Variants in GNG7 observed in about 807,000 individuals in gnomAD.
GNG7 encodes the protein G protein subunit gamma 7.
GNG7 carries 1 observed loss-of-function variant against 4.0 expected under a neutral mutation model. The ratio of observed to expected loss-of-function variants is 0.25; its 90% confidence interval spans 0.09 to 1.18. The LOEUF (loss-of-function observed/expected upper bound fraction) is 1.18. GNG7 is among the 50% of genes most tolerant of loss of function. The pLI is 0.50. For missense variants in GNG7, 86 were observed against 91.9 expected, an observed-to-expected ratio of 0.94 and a Z score of 0.26; for synonymous variants, 34 against 36.9, an observed-to-expected ratio of 0.92 and a Z score of 0.29.
chr19:2,689,622 C>CAAAAA (rs58020172), intron 1 of GNG7, among the ~76,000 whole-genome samples: 2 of 37,952 alleles, frequency 5.3e-5, no homozygotes, highest in African/African-American at 1.0e-4. Flanking sequence ...GACTCCAACT[C>CAAAAA]AAAAAAAAAA....
At chr19:2,661,298 GAAAGAGAAAGAAAGAA>G (rs1371808417) in intron 1 of GNG7, among the ~76,000 whole-genome samples, 206 of 35,940 alleles carry the variant, frequency 5.7e-3, no homozygotes, top group Admixed American at 0.016. Context: ...AAGAAAGAAA[GAAAGAGAAAGAAAGAA>G]AGAAAGAAAG....
chr19:2,515,970 G>A (rs1195804984), intron 4 of GNG7, among the ~76,000 whole-genome samples: 1 of 151,814 alleles, frequency 6.6e-6, no homozygotes, highest in African/African-American at 2.4e-5. Flanking sequence ...ATCCCAACAT[G>A]TTGGGAGGCG....
intron 1 of GNG7, among the ~76,000 whole-genome samples, chr19:2,665,640 C>T (rs1009910838): frequency 1.3e-5 from 2 of 152,170 alleles, no homozygotes; most frequent in Non-Finnish European, 2.9e-5. Context: ...CTTCACGACT[C>T]GCTGTCTGGC....
At chr19:2,698,614 A>C (rs1327168544) in intron 1 of GNG7, among the ~76,000 whole-genome samples, 1 of 152,144 alleles carries the variant, frequency 6.6e-6, no homozygotes, top group Non-Finnish European at 1.5e-5. Context: ...ACCAGCTCCC[A>C]AGCCTATAGA....
intron 1 of GNG7, among the ~76,000 whole-genome samples, chr19:2,678,045 C>A (rs1983638168): frequency 6.6e-6 from 1 of 152,220 alleles, no homozygotes; most frequent in Non-Finnish European, 1.5e-5. Context: ...TCTAACCCTG[C>A]CACCTGTGCT....
chr19:2,572,856 C>A (rs1004765562), intron 2 of GNG7, among the ~76,000 whole-genome samples: 1 of 151,730 alleles, frequency 6.6e-6, no homozygotes, highest in African/African-American at 2.4e-5. Flanking sequence ...CTCGGACTCC[C>A]AGGTTGCTGA....
chr19:2,699,180 A>T (rs1035140985), intron 1 of GNG7, among the ~76,000 whole-genome samples: 2 of 132,746 alleles, frequency 1.5e-5, no homozygotes, highest in African/African-American at 5.8e-5. Flanking sequence ...ACAGAGTCTC[A>T]CTCTGTGGCC....
At chr19:2,669,698 T>C (rs1983401587) in intron 1 of GNG7, among the ~76,000 whole-genome samples, 1 of 152,038 alleles carries the variant, frequency 6.6e-6, no homozygotes, top group African/African-American at 2.4e-5. Flanking sequence ...ATATTTACTC[T>C]CTGGCTCTTT....
intron 3 of GNG7, among the ~76,000 whole-genome samples, chr19:2,526,351 C>T (rs1389438844): frequency 7.3e-5 from 11 of 149,872 alleles, no homozygotes; most frequent in South Asian, 4.3e-4. Flanking sequence ...GTGATCCACC[C>T]GCCTCGACCT....
chr19:2,673,022 C>T (rs7255655), intron 1 of GNG7, among the ~76,000 whole-genome samples: 12,008 of 151,700 alleles, frequency 0.079, 891 homozygotes, highest in African/African-American at 0.2. Context: ...TTTGGGAGGC[C>T]GAGGCGGGCA....
At chr19:2,580,683 C>T (rs755021392) in intron 2 of GNG7, among the ~76,000 whole-genome samples, 11 of 152,074 alleles carry the variant, frequency 7.2e-5, no homozygotes, top group Non-Finnish European at 1.3e-4. Flanking sequence ...TCACTGCAGC[C>T]TCAAACTCTT....
chr19:2,589,637 G>A (rs989528948), intron 2 of GNG7, among the ~76,000 whole-genome samples: 2 of 152,092 alleles, frequency 1.3e-5, no homozygotes, highest in Non-Finnish European at 2.9e-5. Context: ...GATGATGGCA[G>A]CAGTAAGGAA....
intron 2 of GNG7, among the ~76,000 whole-genome samples, chr19:2,568,452 A>G (rs573455037): frequency 5.8e-4 from 45 of 77,330 alleles, no homozygotes; most frequent in African/African-American, 1.4e-3. Flanking sequence ...ACACATACAT[A>G]TACATACACA....
intron 2 of GNG7, chr19:2,610,959 C>T (rs1014309150): frequency 1.8e-3 from 12 of 6,746 alleles, no homozygotes; most frequent in African/African-American, 7.0e-3. Flanking sequence ...GCGGTGGGGA[C>T]GAGGGGGCGG....
intron 1 of GNG7, among the ~76,000 whole-genome samples, chr19:2,685,189 C>CT (rs1459080721): frequency 4.6e-5 from 7 of 150,794 alleles, no homozygotes; most frequent in Non-Finnish European, 8.9e-5. Flanking sequence ...GGGGAGGGGG[C>CT]TGGGGAGTCT....
intron 3 of GNG7, among the ~76,000 whole-genome samples, chr19:2,520,951 G>C (rs992081613): frequency 6.6e-6 from 1 of 152,184 alleles, no homozygotes; most frequent in Non-Finnish European, 1.5e-5. Context: ...TTTGCAGAAC[G>C]AGAGAATGAA....
intron 3 of GNG7, among the ~76,000 whole-genome samples, chr19:2,547,935 G>A (rs374152699): frequency 3.9e-5 from 6 of 152,304 alleles, no homozygotes; most frequent in East Asian, 3.9e-4. Flanking sequence ...AGCAGGGGCC[G>A]GCCCGTCCGG....
chr19:2,581,718 C>T (rs1423003006), intron 2 of GNG7, among the ~76,000 whole-genome samples: 3 of 152,342 alleles, frequency 2.0e-5, no homozygotes, highest in Admixed American at 2.0e-4. Flanking sequence ...CATCACCCAA[C>T]AGGTGTTGAA....
intron 2 of GNG7, among the ~76,000 whole-genome samples, chr19:2,608,292 C>T (rs16991259): frequency 0.049 from 7,430 of 151,110 alleles, 628 homozygotes; most frequent in African/African-American, 0.17. Flanking sequence ...GGAGAGGTTC[C>T]GCCCACGTGG....
Sources: gnomAD v4.1 joint callset for allele counts (sites outside exome capture counted in the v4.1 genomes callset) on GRCh38, gnomAD v4.1.1 for gene constraint, MANE v1.5 for transcripts, NCBI Gene and HGNC (gene_info 2026-07-23, HGNC 2026-07-21) for gene names.